The following CNR2 variants were observed in gnomAD, a reference collection of about 807,000 sequenced individuals.
CNR2 encodes cannabinoid receptor 2 (macrophage).
For missense variants in CNR2, 379 were observed against 439.9 expected, an observed-to-expected ratio of 0.86 and a Z score of 1.24; for synonymous variants, 172 against 182.2, an observed-to-expected ratio of 0.94 and a Z score of 0.45.
chr1:23,880,951 T>A (rs1024593077), intron 1 of CNR2, among the ~76,000 whole-genome samples: 1 of 150,790 alleles, frequency 6.6e-6, no homozygotes, highest in African/African-American at 2.4e-5. Flanking sequence ...TGTATAAAAT[T>A]GTATTCTGAC....
Position 23,913,229 on chromosome 1 carries a change from C to G in CNR2, c.-46+17G>C, listed in dbSNP as rs2502955. ...TGAGGAAGAAGCCTAAAATAAACAA[C>G]AAAAAAAGCTACTCACGGTTGTGTT... is the stretch of plus-strand genomic sequence containing the variant. On this transcript the variant is annotated intron_variant, in intron 1 of 1. Transcript: ENST00000374472. 0.94 allele frequency: 148,140 copies of G among 158,110 alleles called. 70,096 individuals carry two copies. The highest frequency in any genetic ancestry group is 1 in the East Asian group (5,494 of 5,494). 9.8% of individuals were successfully genotyped at this position (158,110 alleles called of 1,614,324 possible).
intron 1 of CNR2, among the ~76,000 whole-genome samples, chr1:23,898,534 G>T (rs1312192147): frequency 1.3e-5 from 2 of 149,922 alleles, no homozygotes; most frequent in Non-Finnish European, 3.0e-5. Flanking sequence ...GTAGAGACGG[G>T]GTTTCACCGA....
chr1:23,875,176 C>T lies in CNR2; in HGVS notation c.442G>A (p.Gly148Arg), dbSNP rs760521443. 1 of 1,614,064 alleles carries T rather than the reference C, an allele frequency of 6.2e-7. No homozygotes were observed. The highest frequency in any genetic ancestry group is 1.1e-5 in the South Asian group (1 of 91,072). ...ATGCCCAGGGTCACCAGTGCCCTTC[C>T]ACGGGTGAGCAGAGCTTTGTAGGAA... is the stretch of plus-strand genomic sequence containing the variant. Reference protein sequence around the residue: ...PPSYKALLTRGRALVTLGIMW... With the variant: ...PPSYKALLTRRRALVTLGIMW... The change falls in exon 2 of 2, where the codon GGA (glycine) becomes AGA (arginine). Residue 148 changes from glycine (G) to arginine (R), a missense_variant. By Grantham distance (125) the Gly-to-Arg change is moderately radical. Coordinates refer to ENST00000374472, the MANE Select transcript of CNR2 (RefSeq NM_001841.3).
chr1:23,896,150 G>A (rs908663085), intron 1 of CNR2, among the ~76,000 whole-genome samples: 22 of 152,090 alleles, frequency 1.4e-4, no homozygotes, highest in Non-Finnish European at 5.9e-5. Flanking sequence ...TTACGGGCAT[G>A]AGCCACCACA....
intron 1 of CNR2, chr1:23,902,644 C>G (rs1354532070): frequency 6.3e-6 from 10 of 1,597,310 alleles, no homozygotes; most frequent in Admixed American, 1.7e-5. Context: ...TGGGCGGGCA[C>G]CGTCCTGGTC....
Position 23,874,925 on chromosome 1 carries a change from C to T in CNR2, c.693G>A (p.Val231=), listed in dbSNP as rs774682084. The T allele has an allele frequency of 1.1e-5, 18 of 1,613,116 alleles. No homozygotes were observed. Among genetic ancestry groups the T allele is most frequent in the Non-Finnish European group, 1.4e-5 (17 of 1,179,406 alleles). Residue 231 remains valine (V), a synonymous_variant, in exon 2 of 2, where the codon GTG becomes GTA. Transcript: ENST00000374472. ...ASLSGHQDRQ[V]PGMARMRLDV... ...CCAGCCTCATTCGGGCCATTCCTGG[C>T]ACCTGCCTGTCCTGGTGGCCAGACA...
chr1:23,910,122 ATTTTTT>A (rs34885370), intron 1 of CNR2, among the ~76,000 whole-genome samples: 173 of 120,304 alleles, frequency 1.4e-3, no homozygotes, highest in Admixed American at 1.9e-3. Context: ...CTAATTTTTA[ATTTTTT>A]TTTTTTTTTT....
chr1:23,874,784 C>T lies in CNR2; in HGVS notation c.834G>A (p.Lys278=), dbSNP rs746912351. The T allele has an allele frequency of 3.1e-6, 5 of 1,614,174 alleles. No individual in the cohort carries two copies. The highest frequency in any genetic ancestry group is 3.4e-6 in the Non-Finnish European group (4 of 1,180,028). ...SLATTLSDQV[K]KAFAFCSMLC... ...GCATGGAGCAGAAAGCAAAGGCCTT[C>T]TTGACCTGGTCACTGAGCGTAGTGG... The change falls in exon 2 of 2, where the codon AAG becomes AAA. Residue 278 remains lysine, a synonymous_variant. Coordinates refer to ENST00000374472, the MANE Select transcript of CNR2 (RefSeq NM_001841.3).
At chr1:23,908,036 A>G (rs1363715641) in intron 1 of CNR2, among the ~76,000 whole-genome samples, 1 of 118,560 alleles carries the variant, frequency 8.4e-6, no homozygotes, top group East Asian at 2.8e-4. Flanking sequence ...ACCAGGCTGC[A>G]GTGGCGTGAT....
chr1:23,902,857 G>T, intron 1 of CNR2: 1 of 1,216,948 alleles, frequency 8.2e-7, no homozygotes. Context: ...CGGCGCCGGC[G>T]TTGCTGTGGG....
In CNR2 at chr1:23,879,089, AAAC is replaced by A. The variant is rs1253173926; in HGVS notation, c.-45-3430_-45-3428del. On this transcript the variant is annotated intron_variant, in intron 1 of 1. Transcript: ENST00000374472. ...GTAAAGAAAAGCAAATGGCTTTATA[AAAC>A]AACAATGATAATAGTGAGTAATTTA... 5.3e-5 allele frequency among the ~76,000 whole-genome samples: 8 copies of A among 152,288 alleles called. No individual in the cohort carries two copies. The South Asian group carries it at 1.0e-3, about 20-fold the overall frequency.
intron 1 of CNR2, chr1:23,902,478 G>C: frequency 1.2e-6 from 2 of 1,602,856 alleles, no homozygotes; most frequent in Non-Finnish European, 1.7e-6. Flanking sequence ...CACCGTATCC[G>C]CTTCCAGATC....
At chr1:23,884,203 C>G (rs1640044512) in intron 1 of CNR2, among the ~76,000 whole-genome samples, 1 of 150,832 alleles carries the variant, frequency 6.6e-6, no homozygotes, top group Non-Finnish European at 1.5e-5. Flanking sequence ...CCTCAGCCTC[C>G]CGAGTAGCTG....
chr1:23,905,265 C>T (rs748999310), intron 1 of CNR2, among the ~76,000 whole-genome samples: 8 of 150,592 alleles, frequency 5.3e-5, no homozygotes, highest in South Asian at 2.1e-4. Context: ...ACTGCAACCT[C>T]CGCCTCCCGG....
chr1:23,909,397 G>T (rs1308623403), intron 1 of CNR2, among the ~76,000 whole-genome samples: 2 of 152,172 alleles, frequency 1.3e-5, no homozygotes, highest in Non-Finnish European at 2.9e-5. Flanking sequence ...CATAGCTGGG[G>T]ACCGAGAGCC....
chr1:23,909,259 G>C (rs1390473755), intron 1 of CNR2, among the ~76,000 whole-genome samples: 2 of 152,128 alleles, frequency 1.3e-5, no homozygotes, highest in Non-Finnish European at 2.9e-5. Context: ...TTTGCTGCAT[G>C]GCGTGAGGAC....
intron 1 of CNR2, among the ~76,000 whole-genome samples, chr1:23,891,252 G>T (rs1417056633): frequency 6.6e-6 from 1 of 151,038 alleles, no homozygotes; most frequent in Non-Finnish European, 1.5e-5. Context: ...GCTGTAGACT[G>T]TGGGGTTTTT....
chr1:23,885,517 G>T (rs1640071810), intron 1 of CNR2, among the ~76,000 whole-genome samples: 1 of 152,108 alleles, frequency 6.6e-6, no homozygotes. Context: ...TGCCACTGTT[G>T]TGATTATTAT....
chr1:23,910,217 T>G (rs1160518756), intron 1 of CNR2, among the ~76,000 whole-genome samples: 1 of 142,772 alleles, frequency 7.0e-6, no homozygotes, highest in African/African-American at 2.6e-5. Flanking sequence ...TGCCTGGGCC[T>G]CCCAAAGTGC....
Sources: allele counts gnomAD v4.1 joint callset (sites outside exome capture counted in the v4.1 genomes callset), GRCh38; gene constraint gnomAD v4.1.1; transcripts MANE v1.5; gene names NCBI Gene and HGNC (gene_info 2026-07-23, HGNC 2026-07-21).